The following SCARA5 variants were observed in gnomAD, a reference collection of about 807,000 sequenced individuals.
SCARA5 encodes the protein scavenger receptor class A member 5.
A neutral mutation model predicts 46.3 loss-of-function variants in SCARA5; 45 were observed. The observed-to-expected ratio is 0.97, with a 90% CI of 0.76 to 1.24. The LOEUF (loss-of-function observed/expected upper bound fraction) is 1.24, where lower values mean the gene tolerates loss of function less well. Among genes scored for constraint, SCARA5 ranks in the 50% most tolerant of loss-of-function variants. The probability of loss-of-function intolerance (pLI) is 0.00; values close to 1 mark genes in which losing one functional copy is unlikely to be tolerated. For missense variants in SCARA5, 680 were observed against 689.0 expected, an observed-to-expected ratio of 0.99 and a Z score of 0.15; for synonymous variants, 333 against 306.5, an observed-to-expected ratio of 1.09 and a Z score of -0.90.
At chr8:27,923,811 G>A (rs1049043748) in intron 3 of SCARA5, among the ~76,000 whole-genome samples, 1 of 152,094 alleles carries the variant, frequency 6.6e-6, no homozygotes, top group African/African-American at 2.4e-5. Flanking sequence ...TTGACCTCAT[G>A]ATCTGCCCGC....
chr8:27,879,420 G>T, intron 8 of SCARA5, 149 bp downstream of exon 8: 1 of 699,578 alleles, frequency 1.4e-6, no homozygotes, highest in Non-Finnish European at 2.5e-6. Context: ...GCCTGGGGCG[G>T]GGCAGTGAGT....
At chr8:27,939,487 G>A (rs1807908307) in intron 3 of SCARA5, among the ~76,000 whole-genome samples, 1 of 152,200 alleles carries the variant, frequency 6.6e-6, no homozygotes, top group Non-Finnish European at 1.5e-5. Context: ...GGCCACAGAT[G>A]TGTACTGCCA....
At chr8:27,917,829 A>C (rs1171975646) in intron 4 of SCARA5, among the ~76,000 whole-genome samples, 1 of 152,218 alleles carries the variant, frequency 6.6e-6, no homozygotes, top group Non-Finnish European at 1.5e-5. Flanking sequence ...AGGGAGGTCA[A>C]GGAAAAGAGA....
chr8:27,934,657 G>T (rs546923348), intron 3 of SCARA5, among the ~76,000 whole-genome samples: 1 of 152,186 alleles, frequency 6.6e-6, no homozygotes, highest in African/African-American at 2.4e-5. Context: ...CTGGGTCATG[G>T]ATTCATCTCC....
rs57853307 is a variant in SCARA5 at position 27,892,857 on chromosome 8, G to C, written c.1153+11921C>G. The stretch of plus-strand genomic sequence containing the variant: ...TCCTGACCTCGTGATCCGCCTGCCT[G>C]GGCCTCCCAAAGTGCTGGGATTACA... On this transcript the variant is annotated intron_variant, in intron 7 of 8. Coordinates refer to ENST00000354914, the MANE Select transcript of SCARA5 (RefSeq NM_173833.6). Among the ~76,000 whole-genome samples the C allele has an allele frequency of 4.3e-3, 654 of 152,146 alleles. 3 individuals are homozygous for C. The highest frequency in any genetic ancestry group is 0.012 in the African/African-American group (484 of 41,514).
chr8:27,984,604 T>TCATCCATCCATCCATG (rs1317740846), intron 2 of SCARA5, among the ~76,000 whole-genome samples: 20 of 149,308 alleles, frequency 1.3e-4, no homozygotes, highest in Non-Finnish European at 2.8e-4. Context: ...ATCCATCCAT[T>TCATCCATCCATCCATG]CATCCATCCA....
chr8:27,908,662 G>A (rs1456642285), intron 5 of SCARA5, among the ~76,000 whole-genome samples: 1 of 152,136 alleles, frequency 6.6e-6, no homozygotes, highest in Non-Finnish European at 1.5e-5. Flanking sequence ...TGTTCCCAGA[G>A]TCCAACAGCT....
chr8:27,926,650 C>T (rs1168524747), intron 3 of SCARA5, among the ~76,000 whole-genome samples: 6 of 151,960 alleles, frequency 3.9e-5, no homozygotes, highest in Non-Finnish European at 7.4e-5. Flanking sequence ...CAAACACTGC[C>T]GTATAATCTA....
At chr8:27,948,497 C>G (rs774616962) in intron 3 of SCARA5, among the ~76,000 whole-genome samples, 1 of 152,374 alleles carries the variant, frequency 6.6e-6, no homozygotes, top group South Asian at 2.1e-4. Flanking sequence ...GGGGCTGGGC[C>G]GTTCCACCGG....
chr8:27,946,881 G>A (rs1027224508), intron 3 of SCARA5, among the ~76,000 whole-genome samples: 3 of 152,000 alleles, frequency 2.0e-5, no homozygotes, highest in African/African-American at 4.8e-5. Flanking sequence ...TAGCAAACTC[G>A]TTGAACTGAG....
At chr8:27,991,436 T>C (rs1808784518) in intron 1 of SCARA5, among the ~76,000 whole-genome samples, 1 of 152,128 alleles carries the variant, frequency 6.6e-6, no homozygotes, top group Non-Finnish European at 1.5e-5. Flanking sequence ...GAAGTTCCCT[T>C]TGTAAAAGGC....
chr8:27,950,701 C>T (rs1406543614), intron 3 of SCARA5, among the ~76,000 whole-genome samples: 6 of 152,110 alleles, frequency 3.9e-5, no homozygotes, highest in African/African-American at 1.4e-4. Context: ...GGCCCTCTAA[C>T]ACATGGGGAC....
chr8:27,922,163 C>A lies in SCARA5; in HGVS notation c.324G>T (p.Leu108Phe). The A allele has an allele frequency of 6.2e-7, 1 of 1,607,694 alleles. No individual in the cohort carries two copies. Among genetic ancestry groups the A allele is most frequent in the Admixed American group, 1.7e-5 (1 of 59,150 alleles). ...GCGGAGCCTGCAGCAGCCGCAGCTG[C>A]AAGTCCCGGAAGCTCTCATTCAGCC... ...VNRLNESFRDLQLRLLQAPLQ... is the reference protein window; with the variant it reads ...VNRLNESFRDFQLRLLQAPLQ... The change falls in exon 4 of 9, where the codon TTG (leucine) becomes TTT (phenylalanine). Residue 108 changes from leucine to phenylalanine, a missense_variant. This residue lies in a region of SCARA5 where 438 missense variants were observed against 384.5 expected (regional missense o/e 1.14). Coordinates refer to ENST00000354914, the MANE Select transcript of SCARA5 (RefSeq NM_173833.6).
chr8:27,934,328 T>C (rs1301218548), intron 3 of SCARA5, among the ~76,000 whole-genome samples: 1 of 152,162 alleles, frequency 6.6e-6, no homozygotes. Context: ...CCCAGGCAAA[T>C]GCGGCCTTGA....
At chr8:27,966,276 A>T in intron 3 of SCARA5, 138 bp downstream of exon 3, 2 of 867,178 alleles carry the variant, frequency 2.3e-6, no homozygotes, top group Non-Finnish European at 3.4e-6. Context: ...ACTACTGAAG[A>T]GCTTCTTCCT....
chr8:27,952,390 T>G (rs1257422072), intron 3 of SCARA5, among the ~76,000 whole-genome samples: 1 of 151,968 alleles, frequency 6.6e-6, no homozygotes, highest in African/African-American at 2.4e-5. Flanking sequence ...TTTCTGACCA[T>G]CTGGCAGTTG....
Position 27,922,052 on chromosome 8 carries a change from T to G in SCARA5, c.435A>C (p.Ala145=). The part of the protein sequence containing the change: ...QSDSLLALAG[A]VQRLEGALWG... ...ACAGCGCGCCCTCCAGCCGCTGCAC[T>G]GCGCCCGCCAGCGCCAGCAACGAGT... Residue 145 remains alanine (A), a synonymous_variant, in exon 4 of 9, where the codon GCA becomes GCC. Coordinates refer to ENST00000354914, the MANE Select transcript of SCARA5 (RefSeq NM_173833.6). 6.3e-7 allele frequency: 1 copy of G among 1,577,848 alleles called. No homozygotes were observed. Among genetic ancestry groups the G allele is most frequent in the Non-Finnish European group, 8.6e-7 (1 of 1,166,490 alleles).
intron 1 of SCARA5, among the ~76,000 whole-genome samples, chr8:27,991,845 GCACA>G (rs371192585): frequency 6.7e-6 from 1 of 150,194 alleles, no homozygotes; most frequent in East Asian, 1.9e-4. Context: ...GCACAGACAT[GCACA>G]CACACACACA....
At chr8:27,966,157 G>T (rs1431169153) in intron 3 of SCARA5, among the ~76,000 whole-genome samples, 1 of 152,198 alleles carries the variant, frequency 6.6e-6, no homozygotes, top group Non-Finnish European at 1.5e-5. Context: ...CCACAATGAT[G>T]CAGGAAAAGT....
Sources: allele counts gnomAD v4.1 joint callset (sites outside exome capture counted in the v4.1 genomes callset), GRCh38; gene constraint gnomAD v4.1.1; regional missense constraint gnomAD v4.1.1; transcripts MANE v1.5; gene names NCBI Gene and HGNC (gene_info 2026-07-23, HGNC 2026-07-21).